The following ALS2CL variants were observed in gnomAD, a reference collection of about 807,000 sequenced individuals.
ALS2CL encodes the protein ALS2 C-terminal like.
In ALS2CL, 112 loss-of-function variants were observed where a neutral mutation model predicts 127.9. The ratio of observed to expected loss-of-function variants is 0.88; its 90% CI spans 0.75 to 1.02. The LOEUF is 1.02. ALS2CL is among the 50% of genes least tolerant of loss of function. ALS2CL has a pLI of 0.00. For synonymous variants in ALS2CL, 519 were observed against 527.6 expected, an observed-to-expected ratio of 0.98 and a Z score of 0.22; for missense variants, 1,174 against 1,236.7, an observed-to-expected ratio of 0.95 and a Z score of 0.76.
At chr3:46,676,092 C>T (rs1698791366) in intron 19 of ALS2CL, 153 bp downstream of exon 19, 1 of 1,384,162 alleles carries the variant, frequency 7.2e-7, no homozygotes, top group African/African-American at 1.5e-5. Context: ...ACCCTCTAAC[C>T]CTTTTGCTCA....
At position 46,677,524 on chromosome 3, in the gene ALS2CL, TG is replaced by T. The variant is rs374092733; in HGVS notation, c.1758-503del. ...ACGCAGCCCACACTCACACCCAGGC[TG>T]GGGCCTGCCCCTAGGGATTGCTGTC... On this transcript the variant is annotated intron_variant, in intron 16 of 25. Coordinates refer to ENST00000318962, the MANE Select transcript of ALS2CL (RefSeq NM_147129.5). The T allele has an allele frequency of 8.0e-4, 366 of 455,990 alleles. 1 individual carries two copies. Among genetic ancestry groups the T allele is most frequent in the African/African-American group, 7.5e-3 (352 of 46,976 alleles). 28.2% of individuals were successfully genotyped at this position (455,990 alleles called of 1,614,324 possible).
chr3:46,676,042 T>C, intron 19 of ALS2CL: 1 of 1,388,368 alleles, frequency 7.2e-7, no homozygotes, highest in Non-Finnish European at 9.4e-7. Context: ...TCTTGGACTC[T>C]AGCTGAGGGC....
At position 46,670,957 on chromosome 3, in the gene ALS2CL, T is replaced by C; in HGVS notation, c.*27A>G. ...ACAGGCTGGCAGTGCCCTGCTCAGC[T>C]CTTCAGTCTGTCCAGGAAAGGCCAG... is the stretch of plus-strand genomic sequence containing the variant. On this transcript the variant is annotated 3_prime_UTR_variant, in exon 26 of 26. Coordinates refer to ENST00000318962, the MANE Select transcript of ALS2CL (RefSeq NM_147129.5). The surrounding 1 kb of genome is among the most constrained non-coding windows in gnomAD (Gnocchi z 5.5). 2 of 1,603,076 alleles carry C rather than the reference T, an allele frequency of 1.2e-6. No individual in the cohort carries two copies. Among genetic ancestry groups the C allele is most frequent in the Non-Finnish European group, 1.7e-6 (2 of 1,170,014 alleles).
chr3:46,674,329 G>T (rs149120711), intron 21 of ALS2CL, among the ~76,000 whole-genome samples: 1 of 152,176 alleles, frequency 6.6e-6, no homozygotes. Flanking sequence ...AACCTTGAGC[G>T]GTTGGTGCTT....
intron 19 of ALS2CL, 162 bp downstream of exon 19, chr3:46,676,083 C>T (rs538331516): frequency 3.1e-5 from 42 of 1,363,204 alleles, no homozygotes; most frequent in Non-Finnish European, 3.9e-5. Flanking sequence ...CACCTCCCCA[C>T]CCTCTAACCC....
chr3:46,671,308 C>T (rs1264461271), intron 25 of ALS2CL, among the ~76,000 whole-genome samples, 180 bp downstream of exon 25: 1 of 152,174 alleles, frequency 6.6e-6, no homozygotes, highest in African/African-American at 2.4e-5. Flanking sequence ...TGTGGGACCC[C>T]TCCCTGGCTC....
intron 15 of ALS2CL, 47 bp from the exon 16 acceptor site, chr3:46,678,436 C>T (rs765936567): frequency 5.1e-6 from 8 of 1,579,578 alleles, no homozygotes; most frequent in Non-Finnish European, 3.4e-6. Flanking sequence ...CCCAGTTACC[C>T]TTCCAGCCAA....
At position 46,685,608 on chromosome 3, in the gene ALS2CL, C is replaced by T. The variant is rs1314879968; in HGVS notation, c.703G>A (p.Asp235Asn). ...LCTPAHRLLQ[D>N]SQDVPVTVAP... ...ACCGTCACGGGTACGTCCTGGCTGT[C>T]CTGAAGGAGTCTGTGAGCAGGGGTG... The change falls in exon 7 of 26, where the codon GAC (aspartate) becomes AAC (asparagine). Residue 235 changes from aspartate to asparagine, a missense_variant. Physicochemically the swap from Asp to Asn is conservative, Grantham distance 23. Coordinates refer to ENST00000318962, the MANE Select transcript of ALS2CL (RefSeq NM_147129.5). 1 of 1,613,738 alleles carries T rather than the reference C, an allele frequency of 6.2e-7. No individual in the cohort carries two copies. The highest frequency in any genetic ancestry group is 8.5e-7 in the Non-Finnish European group (1 of 1,179,954).
chr3:46,692,145 G>C (rs1459190178), intron 1 of ALS2CL, among the ~76,000 whole-genome samples: 1 of 152,170 alleles, frequency 6.6e-6, no homozygotes, highest in East Asian at 1.9e-4. Context: ...TTGGGGGAAG[G>C]CCGCAGTGGA....
intron 1 of ALS2CL, among the ~76,000 whole-genome samples, chr3:46,690,529 C>G (rs1700092561): frequency 6.6e-6 from 1 of 152,206 alleles, no homozygotes; most frequent in Non-Finnish European, 1.5e-5. Flanking sequence ...CAAACCTACC[C>G]CCACAGCCAG....
intron 19 of ALS2CL, chr3:46,675,930 C>G: frequency 4.2e-6 from 6 of 1,427,394 alleles, no homozygotes; most frequent in Non-Finnish European, 5.5e-6. Context: ...GGGTCACAGC[C>G]CAGCCTGGGA....
intron 14 of ALS2CL, 151 bp downstream of exon 14, chr3:46,680,279 G>A: frequency 2.6e-6 from 2 of 780,184 alleles, no homozygotes; most frequent in Non-Finnish European, 4.1e-6. Context: ...GGGTGGTAGA[G>A]CTGGCTTCCT....
Position 46,681,948 on chromosome 3 carries a change from C to T in ALS2CL, c.1175+81G>A, listed in dbSNP as rs893250939. The T allele has an allele frequency of 2.5e-5, 37 of 1,495,800 alleles. No individual in the cohort carries two copies. The African/African-American group carries it at 2.8e-4, about 11-fold the overall frequency. 92.7% of individuals were successfully genotyped at this position (1,495,800 alleles called of 1,614,324 possible). On this transcript the variant is annotated intron_variant, in intron 11 of 25. Transcript: ENST00000318962. The surrounding 1 kb of genome is among the most constrained non-coding windows in gnomAD (Gnocchi z 4.9). ...GAGGTTTGGGAATTCAGGATGGGGC[C>T]GGGCTGGTGACCACAGCAGGGGAGG...
intron 14 of ALS2CL, chr3:46,680,172 T>C (rs6803988): frequency 0.76 from 365,114 of 479,728 alleles, 140,102 homozygotes; most frequent in African/African-American, 0.9. Flanking sequence ...TCCATTCTTG[T>C]TAGTTCATTG....
In ALS2CL at chr3:46,673,343, T is replaced by A; in HGVS notation, c.2468A>T (p.Asn823Ile). The A allele has an allele frequency of 6.4e-7, 1 of 1,565,130 alleles. No homozygotes were observed. Among genetic ancestry groups the A allele is most frequent in the Non-Finnish European group, 8.7e-7 (1 of 1,154,560 alleles). The change falls in exon 22 of 26, where the codon AAT becomes ATT. Residue 823 changes from asparagine to isoleucine, a missense_variant. Coordinates refer to ENST00000318962, the MANE Select transcript of ALS2CL (RefSeq NM_147129.5). Reference sequence around the variant, plus strand: ...GGGCTCTGGCCTCCCTCTCACCTGATTGCTCGTCAGCGTGAGGTCCTTGAG... The same window carrying A: ...GGGCTCTGGCCTCCCTCTCACCTGAATGCTCGTCAGCGTGAGGTCCTTGAG... ...WPLKDLTLTS[N>I]QRYSLVRDKC...
intron 9 of ALS2CL, 27 bp from the exon 10 acceptor site, chr3:46,683,353 G>C: frequency 6.4e-7 from 1 of 1,560,614 alleles, no homozygotes; most frequent in Non-Finnish European, 8.7e-7. Flanking sequence ...CATGGGGAAG[G>C]GGATCACTGC....
At chr3:46,690,757 C>T (rs1410678690) in intron 1 of ALS2CL, among the ~76,000 whole-genome samples, 1 of 152,192 alleles carries the variant, frequency 6.6e-6, no homozygotes, top group African/African-American at 2.4e-5. Context: ...ATCAGGGCAG[C>T]CAACGATGGG....
At chr3:46,690,003 C>A (rs2106750568) in intron 1 of ALS2CL, among the ~76,000 whole-genome samples, 1 of 152,252 alleles carries the variant, frequency 6.6e-6, no homozygotes, top group South Asian at 2.1e-4. Flanking sequence ...AGGCCTCCTG[C>A]TAGAGCCACG....
Position 46,671,961 on chromosome 3 carries a change from C to T in ALS2CL, c.2607G>A (p.Ser869=), listed in dbSNP as rs762803482. The change falls in exon 24 of 26, where the codon TCG becomes TCA. Residue 869 remains serine (S), a synonymous_variant. Transcript: ENST00000318962. ...RTYGEIEGTV[S]RVLGREYKLP... ...GCTTGTACTCCCGGCCCAATACCCT[C>T]GACACCGTGCCCTCAATTTCCCCGT... The T allele has an allele frequency of 3.7e-6, 6 of 1,613,982 alleles. No individual in the cohort carries two copies. Among genetic ancestry groups the T allele is most frequent in the South Asian group, 1.1e-5 (1 of 91,072 alleles).
Sources: gnomAD v4.1 joint callset for allele counts (sites outside exome capture counted in the v4.1 genomes callset) on GRCh38, gnomAD v4.1.1 for gene constraint, Gnocchi (gnomAD v3.1) non-coding constraint, MANE v1.5 for transcripts, NCBI Gene and HGNC (gene_info 2026-07-23, HGNC 2026-07-21) for gene names.